MAP3K15: variants seen among roughly 807,000 people sequenced by gnomAD.
The protein encoded by MAP3K15 is MAPK/ERK kinase kinase 15.
Under a neutral mutation model 99.5 loss-of-function variants are expected in MAP3K15, and 124 were observed. The ratio of observed to expected loss-of-function variants is 1.25; its 90% confidence interval spans 1.08 to 1.45. The LOEUF is 1.45. Among genes scored for constraint, MAP3K15 ranks in the 40% most tolerant of loss-of-function variants. The pLI, the probability that MAP3K15 is intolerant of heterozygous loss-of-function variation, is 0.00. For missense variants in MAP3K15, 1,242 were observed against 1,079.7 expected, an observed-to-expected ratio of 1.15 and a Z score of -2.11; for synonymous variants, 494 against 439.6, an observed-to-expected ratio of 1.12 and a Z score of -1.55.
Position 19,373,705 on chromosome X carries a change from G to A in MAP3K15, c.2774-10C>T, listed in dbSNP as rs763794719. Reference sequence around the variant, plus strand: ...ACACCGCGGGGACCTTCTGTAGGGGGACAGCCAGACACCGAATGGGGAGAC... The same window carrying A: ...ACACCGCGGGGACCTTCTGTAGGGGAACAGCCAGACACCGAATGGGGAGAC... On this transcript the variant is annotated splice_polypyrimidine_tract_variant and intron_variant, in intron 20 of 28. Coordinates refer to ENST00000338883, the MANE Select transcript of MAP3K15 (RefSeq NM_001001671.4). 5.0e-6 allele frequency: 6 copies of A among 1,195,146 alleles called. No individual in the cohort carries two copies. In the East Asian group the frequency reaches 1.2e-4, roughly 24 times the overall value.
chrX:19,452,814 A>C (rs772748509), intron 6 of MAP3K15, among the ~76,000 whole-genome samples: 1 of 112,054 alleles, frequency 8.9e-6, no homozygotes, highest in South Asian at 3.7e-4. Context: ...ACCAATGCGT[A>C]AACTTTCTTA....
chrX:19,509,291 C>T (rs962008359), intron 1 of MAP3K15, among the ~76,000 whole-genome samples: 6 of 111,908 alleles, frequency 5.4e-5, no homozygotes, highest in African/African-American at 1.9e-4. Flanking sequence ...CAACAGAATA[C>T]ACATTCTTCT....
chrX:19,372,594 G>A, intron 22 of MAP3K15, 59 bp downstream of exon 22: 1 of 1,113,716 alleles, frequency 9.0e-7, no homozygotes, highest in Non-Finnish European at 1.2e-6. Context: ...GACCTGTCTG[G>A]GGACTGGGAC....
At position 19,371,331 on chromosome X, in the gene MAP3K15, G is replaced by C; in HGVS notation, c.3294+14C>G. Reference sequence around the variant, plus strand: ...AGATCTGGTGTGTTCCCTAGGGCCAGATGGAGCACTTACGGCATCCTGAAA... The same window carrying C: ...AGATCTGGTGTGTTCCCTAGGGCCACATGGAGCACTTACGGCATCCTGAAA... On this transcript the variant is annotated intron_variant, in intron 23 of 28. Coordinates refer to ENST00000338883, the MANE Select transcript of MAP3K15 (RefSeq NM_001001671.4). The C allele has an allele frequency of 8.3e-7, 1 of 1,201,310 alleles. No homozygotes were observed.
At chrX:19,383,416 A>T (rs1434847282) in intron 18 of MAP3K15, among the ~76,000 whole-genome samples, 1 of 112,451 alleles carries the variant, frequency 8.9e-6, no homozygotes, top group Non-Finnish European at 1.9e-5. Flanking sequence ...TCAATGGCTA[A>T]TTGGCTCTGG....
chrX:19,375,930 G>C (rs764703630), intron 19 of MAP3K15, among the ~76,000 whole-genome samples: 5 of 112,424 alleles, frequency 4.4e-5, no homozygotes, highest in Non-Finnish European at 7.5e-5. Context: ...AATGCAGGGT[G>C]CCTCACAGGT....
intron 6 of MAP3K15, among the ~76,000 whole-genome samples, chrX:19,451,597 A>G (rs993215901): frequency 9.1e-6 from 1 of 109,672 alleles, no homozygotes; most frequent in Non-Finnish European, 1.9e-5. Context: ...CACTAATCAG[A>G]GAAACGTCCA....
intron 6 of MAP3K15, among the ~76,000 whole-genome samples, chrX:19,439,126 G>A (rs758980335): frequency 1.8e-5 from 2 of 111,146 alleles, no homozygotes; most frequent in Non-Finnish European, 3.8e-5. Context: ...AAACCCAGAA[G>A]GTGAAGGTTG....
At chrX:19,456,292 C>T (rs1245968498) in intron 6 of MAP3K15, among the ~76,000 whole-genome samples, 3 of 111,889 alleles carry the variant, frequency 2.7e-5, no homozygotes, top group Admixed American at 9.5e-5. Flanking sequence ...AAGGACTACG[C>T]GACGGCAATG....
chrX:19,492,832 G>A (rs1397739639), intron 1 of MAP3K15, among the ~76,000 whole-genome samples: 1 of 110,068 alleles, frequency 9.1e-6, no homozygotes, highest in Admixed American at 9.8e-5. Context: ...GCTGGGTGTG[G>A]GGTGGGCGCC....
intron 3 of MAP3K15, among the ~76,000 whole-genome samples, chrX:19,479,633 G>T (rs2064275439): frequency 8.9e-6 from 1 of 112,378 alleles, no homozygotes; most frequent in East Asian, 2.8e-4. Flanking sequence ...GCTACGCAAT[G>T]CCTATGGACT....
chrX:19,447,871 G>A (rs1263505900), intron 6 of MAP3K15, among the ~76,000 whole-genome samples: 10 of 51,880 alleles, frequency 1.9e-4, no homozygotes, highest in East Asian at 7.4e-4. Context: ...GCGACAGAGC[G>A]AGACTCCGTC....
At chrX:19,403,709 C>T (rs756142061) in intron 13 of MAP3K15, among the ~76,000 whole-genome samples, 1 of 109,438 alleles carries the variant, frequency 9.1e-6, no homozygotes, top group South Asian at 4.0e-4. Context: ...TCAAGCAATC[C>T]TCCTTCCTCA....
At chrX:19,473,025 C>G (rs1024115749) in intron 3 of MAP3K15, among the ~76,000 whole-genome samples, 2 of 112,040 alleles carry the variant, frequency 1.8e-5, no homozygotes, top group African/African-American at 3.2e-5. Context: ...AGTCTACCCC[C>G]CAGTCAGCAG....
At chrX:19,514,351 G>A (rs1256533430) in intron 1 of MAP3K15, among the ~76,000 whole-genome samples, 2 of 104,198 alleles carry the variant, frequency 1.9e-5, no homozygotes, top group Non-Finnish European at 3.9e-5. Flanking sequence ...GGAGAAGGGG[G>A]GCTTGGTAGG....
chrX:19,513,062 A>G lies in MAP3K15; in HGVS notation c.361+1839T>C, dbSNP rs184170112. ...CTCTGAAAGCAATTCTAATGCACTG[A>G]GAAATGATTTACTCAAGACCAGGAC... is the stretch of plus-strand genomic sequence containing the variant. On this transcript the variant is annotated intron_variant, in intron 1 of 28. Transcript: ENST00000338883. Among the ~76,000 whole-genome samples, 432 of 111,715 alleles carry G rather than the reference A, an allele frequency of 3.9e-3. 1 individual carries two copies. The highest frequency in any genetic ancestry group is 0.013 in the African/African-American group (404 of 30,720).
At chrX:19,439,703 A>G (rs1035334099) in intron 6 of MAP3K15, among the ~76,000 whole-genome samples, 2 of 111,945 alleles carry the variant, frequency 1.8e-5, no homozygotes, top group Non-Finnish European at 3.8e-5. Context: ...TCCTGGCCTC[A>G]AGTGATCCTC....
At chrX:19,424,724 C>T (rs1171309460) in intron 9 of MAP3K15, among the ~76,000 whole-genome samples, 1 of 110,922 alleles carries the variant, frequency 9.0e-6, no homozygotes, top group East Asian at 2.8e-4. Flanking sequence ...CAGCTCGCTG[C>T]AGCCTTGACC....
intron 11 of MAP3K15, among the ~76,000 whole-genome samples, chrX:19,410,201 T>C (rs894537830): frequency 3.6e-5 from 4 of 112,474 alleles, no homozygotes; most frequent in Non-Finnish European, 7.5e-5. Context: ...AAATTTGAAA[T>C]AATCTAAGTT....
Sources: gnomAD v4.1 joint callset for allele counts (sites outside exome capture counted in the v4.1 genomes callset) on GRCh38, gnomAD v4.1.1 for gene constraint, MANE v1.5 for transcripts, NCBI Gene and HGNC (gene_info 2026-07-23, HGNC 2026-07-21) for gene names.